Variants in ARHGAP33 observed in about 807,000 individuals in gnomAD.
ARHGAP33 encodes Rho GTPase activating protein 33.
A neutral mutation model predicts 126.2 loss-of-function variants in ARHGAP33; 57 were observed. The ratio of observed to expected loss-of-function variants is 0.45; its 90% CI spans 0.36 to 0.56. The LOEUF is 0.56. Ranked by LOEUF, ARHGAP33 falls within the 20% of genes least tolerant of loss-of-function variation. ARHGAP33 has a pLI of 0.00. For missense variants in ARHGAP33, 1,500 were observed against 1,748.3 expected (o/e 0.86, Z 2.53); for synonymous variants, 711 against 755.0 (o/e 0.94, Z 0.95).
chr19:35,786,965 T>C lies in ARHGAP33; in HGVS notation c.2495T>C (p.Leu832Pro), dbSNP rs2146752003. ...CCAGCTCTCAGCCCCGGCCGGAGCC[T>C]GCGCCCCCATCTCATACCCCTGCTG... ...PTPALSPGRS[L>P]RPHLIPLLLR... Residue 832 changes from leucine (L) to proline (P), a missense_variant, in exon 20 of 21, where the codon CTG becomes CCG. This residue lies in a region of ARHGAP33 where 642 missense variants were observed against 634.0 expected (regional missense o/e 1.01). Coordinates refer to ENST00000007510, the MANE Select transcript of ARHGAP33 (RefSeq NM_001366178.1). This position sits in a 1 kb window ranked among gnomAD's most constrained non-coding sequence, Gnocchi z 7.0. 6.2e-7 allele frequency: 1 copy of C among 1,610,542 alleles called. No homozygotes were observed. The highest frequency in any genetic ancestry group is 2.2e-5 in the East Asian group (1 of 44,820).
chr19:35,777,721 T>G lies in ARHGAP33; in HGVS notation c.83T>G (p.Val28Gly). ...QPLPTAGGPS[V>G]KGKPGKRLSA... ...CTACCCACTGCTGGGGGGCCCAGTG[T>G]GAAGGGGAAGCCTGGGAAGAGGTGA... Residue 28 changes from valine (V) to glycine (G), a missense_variant, in exon 2 of 21, where the codon GTG becomes GGG. This residue lies in a region of ARHGAP33 where 129 missense variants were observed against 145.9 expected (regional missense o/e 0.88). Transcript: ENST00000007510. 1 of 1,609,294 alleles carries G rather than the reference T, an allele frequency of 6.2e-7. No homozygotes were observed. Among genetic ancestry groups the G allele is most frequent in the Non-Finnish European group, 8.5e-7 (1 of 1,177,922 alleles).
chr19:35,782,974 A>G lies in ARHGAP33; in HGVS notation c.1421+105A>G. 1 of 990,284 alleles carries G rather than the reference A, an allele frequency of 1.0e-6. No homozygotes were observed. Among genetic ancestry groups the G allele is most frequent in the African/African-American group, 1.6e-5 (1 of 62,548 alleles). The allele number at this position is 990,284 out of a possible 1,614,324, so 61.3% of individuals were successfully genotyped here. On this transcript the variant is annotated intron_variant, in intron 15 of 20. Coordinates refer to ENST00000007510, the MANE Select transcript of ARHGAP33 (RefSeq NM_001366178.1). This position sits in a 1 kb window ranked among gnomAD's most constrained non-coding sequence, Gnocchi z 4.1. ...TTATTCATCGAATACGTGTCTATCA[A>G]ATACCTCCCATGGACCTGGCCCCGT...
Position 35,786,725 on chromosome 19 carries a change from C to G in ARHGAP33, c.2255C>G (p.Pro752Arg). 1 of 1,532,146 alleles carries G rather than the reference C, an allele frequency of 6.5e-7. No individual in the cohort carries two copies. Among genetic ancestry groups the G allele is most frequent in the Non-Finnish European group, 8.7e-7 (1 of 1,144,894 alleles). 94.9% of individuals were successfully genotyped at this position (1,532,146 alleles called of 1,614,324 possible). The part of the protein sequence containing the change: ...PLTFRCSSPT[P>R]GDPAPPASPA... Reference sequence around the variant, plus strand: ...ACCTTCCGCTGCAGCAGCCCCACCCCAGGGGATCCCGCACCTCCCGCCAGC... The same window carrying G: ...ACCTTCCGCTGCAGCAGCCCCACCCGAGGGGATCCCGCACCTCCCGCCAGC... Residue 752 changes from proline to arginine, a missense_variant, in exon 20 of 21, where the codon CCA becomes CGA. This residue lies in a region of ARHGAP33 where 73 missense variants were observed against 110.8 expected (regional missense o/e 0.66). Coordinates refer to ENST00000007510, the MANE Select transcript of ARHGAP33 (RefSeq NM_001366178.1). The surrounding 1 kb of genome is among the most constrained non-coding windows in gnomAD (Gnocchi z 7.0).
chr19:35,775,685 T>A, intron 1 of ARHGAP33, 21 bp downstream of exon 1: 1 of 1,540,048 alleles, frequency 6.5e-7, no homozygotes, highest in South Asian at 1.2e-5. Context: ...CACGCGGCCG[T>A]CAGCCTGTCC....
intron 15 of ARHGAP33, 193 bp downstream of exon 15, chr19:35,783,062 G>A: frequency 1.7e-6 from 1 of 596,824 alleles, no homozygotes; most frequent in African/African-American, 1.9e-5. Context: ...TGTTCTCATG[G>A]AGGAGATGGA....
rs747827916 is a variant in ARHGAP33 at position 35,781,243 on chromosome 19, A to G, written c.1076A>G (p.Gln359Arg). Residue 359 changes from glutamine (Q) to arginine (R), a missense_variant, in exon 12 of 21, where the codon CAG becomes CGG. Transcript: ENST00000007510. The part of the protein sequence containing the change: ...YRLSGVSSNI[Q>R]RLRHEFDSER... ...CTCTCAGGCGTGTCTTCCAACATCCAGAGGCTTCGGTGAGGGCCCTTAGCC... is the reference window on the plus strand; with the variant it reads ...CTCTCAGGCGTGTCTTCCAACATCCGGAGGCTTCGGTGAGGGCCCTTAGCC... 6.2e-7 allele frequency: 1 copy of G among 1,614,152 alleles called. No homozygotes were observed. The highest frequency in any genetic ancestry group is 1.1e-5 in the South Asian group (1 of 91,082).
chr19:35,777,343 C>G (rs1229124130), intron 1 of ARHGAP33, among the ~76,000 whole-genome samples: 1 of 152,156 alleles, frequency 6.6e-6, no homozygotes, highest in Non-Finnish European at 1.5e-5. Context: ...TAGGAGATCA[C>G]TGTACTCTGC....
In ARHGAP33 at chr19:35,787,320, G is replaced by C; in HGVS notation, c.2755G>C (p.Glu919Gln). The C allele has an allele frequency of 6.2e-7, 1 of 1,612,402 alleles. No individual in the cohort carries two copies. Among genetic ancestry groups the C allele is most frequent in the Non-Finnish European group, 8.5e-7 (1 of 1,179,320 alleles). ...GGTGGCCGAGCAACAGAGCCAGCAG[G>C]AGTGTGGGGGCACCCCACCTGCTTC... ...QQVAEQQSQQ[E>Q]CGGTPPASQS... The change falls in exon 21 of 21, where the codon GAG becomes CAG. Residue 919 changes from glutamate to glutamine, a missense_variant. Glu to Gln is a conservative substitution (Grantham distance 29). Transcript: ENST00000007510.
rs746544347 is a variant in ARHGAP33, at chr19:35,786,959, G to A, written c.2489G>A (p.Arg830Gln). Residue 830 changes from arginine to glutamine, a missense_variant, in exon 20 of 21, where the codon CGG (arginine) becomes CAG (glutamine). Arg to Gln is a conservative substitution (Grantham distance 43, BLOSUM62 1). Transcript: ENST00000007510. The surrounding 1 kb of genome is among the most constrained non-coding windows in gnomAD (Gnocchi z 7.0). ...CCAACACCAGCTCTCAGCCCCGGCC[G>A]GAGCCTGCGCCCCCATCTCATACCC... is the stretch of plus-strand genomic sequence containing the variant. ...ATPTPALSPG[R>Q]SLRPHLIPLL... 1.6e-5 allele frequency: 25 copies of A among 1,610,496 alleles called. No homozygotes were observed. The highest frequency in any genetic ancestry group is 2.0e-5 in the Non-Finnish European group (24 of 1,179,256).
At chr19:35,775,705 T>C (rs1378005047) in intron 1 of ARHGAP33, 41 bp downstream of exon 1, 2 of 1,521,188 alleles carry the variant, frequency 1.3e-6, no homozygotes, top group Admixed American at 2.0e-5. Context: ...CGTCCGGATG[T>C]CAGTCTGTCC....
chr19:35,778,221 AT>A, intron 3 of ARHGAP33, 58 bp from the exon 4 acceptor site: 1 of 1,578,498 alleles, frequency 6.3e-7, no homozygotes, highest in Non-Finnish European at 8.7e-7. Context: ...AGATAGTGCC[AT>A]CCCCAGGAGG....
chr19:35,782,288 T>C lies in ARHGAP33; in HGVS notation c.1086-85T>C. On this transcript the variant is annotated intron_variant, in intron 12 of 20. Coordinates refer to ENST00000007510, the MANE Select transcript of ARHGAP33 (RefSeq NM_001366178.1). This position sits in a 1 kb window ranked among gnomAD's most constrained non-coding sequence, Gnocchi z 4.1. ...GAGGGTTCCATCCACCTGCGGGCAC[T>C]TGGGGGTAGGGGCAAGGGGAGCATG... 2.0e-6 allele frequency: 3 copies of C among 1,508,426 alleles called. No homozygotes were observed. Among genetic ancestry groups the C allele is most frequent in the Non-Finnish European group, 2.7e-6 (3 of 1,109,166 alleles). The allele number at this position is 1,508,426 out of a possible 1,614,324, so 93.4% of individuals were successfully genotyped here.
rs1435156962 is a variant in ARHGAP33, at chr19:35,788,269, A to G, written c.3704A>G (p.Tyr1235Cys). Residue 1235 changes from tyrosine (Y) to cysteine (C), a missense_variant, in exon 21 of 21, where the codon TAC (tyrosine) becomes TGC (cysteine). This residue lies in a region of ARHGAP33 where 642 missense variants were observed against 634.0 expected (regional missense o/e 1.01). Transcript: ENST00000007510. ...GGCCCTCCTGAGCCTCTCCTGCTCT[A>G]CAGGGCAGCCCCGCCAGCCTACGGA... ...PWGPPEPLLLYRAAPPAYGRG... is the reference protein window; with the variant it reads ...PWGPPEPLLLCRAAPPAYGRG... 6.2e-7 allele frequency: 1 copy of G among 1,608,466 alleles called. No homozygotes were observed. Among genetic ancestry groups the G allele is most frequent in the African/African-American group, 1.3e-5 (1 of 74,118 alleles).
Position 35,778,260 on chromosome 19 carries a change from G to A in ARHGAP33, c.190-20G>A, listed in dbSNP as rs1343318667. The A allele has an allele frequency of 6.2e-7, 1 of 1,613,920 alleles. No homozygotes were observed. Among genetic ancestry groups the A allele is most frequent in the Non-Finnish European group, 8.5e-7 (1 of 1,179,872 alleles). On this transcript the variant is annotated intron_variant, in intron 3 of 20. Transcript: ENST00000007510. ...AGGACTGGGACAAAAGTCCACCTGGGCCTTGCTTTCCCTCTGCAGCTCCTG... is the reference window on the plus strand; with the variant it reads ...AGGACTGGGACAAAAGTCCACCTGGACCTTGCTTTCCCTCTGCAGCTCCTG...
intron 15 of ARHGAP33, 135 bp from the exon 16 acceptor site, chr19:35,784,037 A>G (rs1599791699): frequency 3.0e-6 from 2 of 673,316 alleles, no homozygotes; most frequent in Non-Finnish European, 2.4e-6. Flanking sequence ...TTGAGAGCCC[A>G]GCGAGGCGTG....
chr19:35,775,730 C>T (rs1971417562), intron 1 of ARHGAP33, 66 bp downstream of exon 1: 6 of 1,425,160 alleles, frequency 4.2e-6, no homozygotes, highest in East Asian at 2.9e-5. Flanking sequence ...GCAGCCCCGC[C>T]CCGCGCGCCC....
intron 6 of ARHGAP33, chr19:35,779,908 G>A (rs996403934): frequency 1.5e-5 from 8 of 526,264 alleles, no homozygotes; most frequent in African/African-American, 1.1e-4. Context: ...TGTGGCATCT[G>A]CTGTGGAGGA....
Position 35,787,546 on chromosome 19 carries a change from G to A in ARHGAP33, c.2981G>A (p.Arg994Gln), listed in dbSNP as rs763084663. The change falls in exon 21 of 21, where the codon CGA becomes CAA. Residue 994 changes from arginine to glutamine, a missense_variant. Coordinates refer to ENST00000007510, the MANE Select transcript of ARHGAP33 (RefSeq NM_001366178.1). ...RPMGTSRRGL[R>Q]GPAQVSAQLR... ...ATGGGGACCTCAAGGAGGGGACTCCGAGGCCCTGCCCAGGTCAGTGCCCAG... is the reference window on the plus strand; with the variant it reads ...ATGGGGACCTCAAGGAGGGGACTCCAAGGCCCTGCCCAGGTCAGTGCCCAG... 1.9e-5 allele frequency: 30 copies of A among 1,611,850 alleles called. No homozygotes were observed. Among genetic ancestry groups the A allele is most frequent in the East Asian group, 2.2e-5 (1 of 44,872 alleles).
At position 35,786,391 on chromosome 19, in the gene ARHGAP33, C is replaced by T. The variant is rs1462965239; in HGVS notation, c.1943-22C>T. The T allele has an allele frequency of 6.6e-7, 1 of 1,515,620 alleles. No homozygotes were observed. Among genetic ancestry groups the T allele is most frequent in the South Asian group, 1.2e-5 (1 of 80,456 alleles). The allele number at this position is 1,515,620 out of a possible 1,614,324, so 93.9% of individuals were successfully genotyped here. ...TGTGCGCCCTGTTCTCAGGGATGGTCTCACTGACCCCACCCCTCCAGGCCT... is the reference window on the plus strand; with the variant it reads ...TGTGCGCCCTGTTCTCAGGGATGGTTTCACTGACCCCACCCCTCCAGGCCT... On this transcript the variant is annotated intron_variant, in intron 19 of 20. Transcript: ENST00000007510. This position sits in a 1 kb window ranked among gnomAD's most constrained non-coding sequence, Gnocchi z 7.0.
Sources: allele counts gnomAD v4.1 joint callset (sites outside exome capture counted in the v4.1 genomes callset), GRCh38; gene constraint gnomAD v4.1.1; regional missense constraint gnomAD v4.1.1; non-coding constraint Gnocchi (gnomAD v3.1); transcripts MANE v1.5; gene names NCBI Gene and HGNC (gene_info 2026-07-23, HGNC 2026-07-21).